TET1: variants seen among roughly 807,000 people sequenced by gnomAD.
The protein encoded by TET1 is methylcytosine dioxygenase TET1.
TET1 carries 13 observed loss-of-function variants against 148.7 expected under a neutral mutation model. That is an observed-to-expected ratio of 0.09 (90% CI 0.06 to 0.14). The LOEUF is 0.14. Ranked by LOEUF, TET1 falls within the 10% of genes least tolerant of loss-of-function variation. The pLI is 1.00. For synonymous variants in TET1, 907 were observed against 937.2 expected (o/e 0.97, Z 0.59); for missense variants, 2,182 against 2,553.8 (o/e 0.85, Z 3.14).
intron 3 of TET1, among the ~76,000 whole-genome samples, chr10:68,626,154 C>T (rs1046277210): frequency 1.4e-5 from 2 of 147,604 alleles, no homozygotes; most frequent in African/African-American, 2.5e-5. Flanking sequence ...AGGGAAAATA[C>T]GGTGTCCTTT....
rs2055618440 is a variant in TET1, at chr10:68,693,489, G to T, written c.*1675G>T. On this transcript the variant is annotated 3_prime_UTR_variant, in exon 12 of 12. Coordinates refer to ENST00000373644, the MANE Select transcript of TET1 (RefSeq NM_030625.3). ...TTATTAAAATAATATCTGGTGCAAAGTATCTGTTTTGAGCTTTTGACTAAT... is the reference window on the plus strand; with the variant it reads ...TTATTAAAATAATATCTGGTGCAAATTATCTGTTTTGAGCTTTTGACTAAT... 4.3e-6 allele frequency: 1 copy of T among 233,164 alleles called. No individual in the cohort carries two copies. Among genetic ancestry groups the T allele is most frequent in the African/African-American group, 2.2e-5 (1 of 45,294 alleles). The allele number at this position is 233,164 out of a possible 1,614,324, so 14.4% of individuals were successfully genotyped here.
At chr10:68,585,399 G>C (rs1036445787) in intron 2 of TET1, among the ~76,000 whole-genome samples, 1 of 152,100 alleles carries the variant, frequency 6.6e-6, no homozygotes, top group Non-Finnish European at 1.5e-5. Flanking sequence ...TTCCCAACGT[G>C]CTGGGATTAC....
chr10:68,642,070 T>C (rs1313821334), intron 3 of TET1, among the ~76,000 whole-genome samples: 1 of 152,090 alleles, frequency 6.6e-6, no homozygotes, highest in Non-Finnish European at 1.5e-5. Flanking sequence ...GTAATTGGAG[T>C]TATCATTCTT....
At position 68,660,723 on chromosome 10, in the gene TET1, C is replaced by T. The variant is rs142648174; in HGVS notation, c.4462-6322C>T. 3.4e-3 allele frequency among the ~76,000 whole-genome samples: 508 copies of T among 151,600 alleles called. 4 individuals carry two copies. Among genetic ancestry groups the T allele is most frequent in the African/African-American group, 0.012 (476 of 41,308 alleles). On this transcript the variant is annotated intron_variant, in intron 6 of 11. Transcript: ENST00000373644. ...TCGCCCAGGCTGGAGTGCAATGACG[C>T]GATCTCAGCCCACTGAAACCTCTGC... is the stretch of plus-strand genomic sequence containing the variant.
rs145714081 is a variant in TET1, at chr10:68,667,961, T to C, written c.4673+705T>C. Among the ~76,000 whole-genome samples, 60 of 152,348 alleles carry C rather than the reference T, an allele frequency of 3.9e-4. 1 individual carries two copies. Among genetic ancestry groups the C allele is most frequent in the African/African-American group, 1.4e-3 (57 of 41,588 alleles). ...TTCTGTAGTCTTACCAATGATTATG[T>C]TGGCAAATGTGAGTTTTTGCCTATT... On this transcript the variant is annotated intron_variant, in intron 7 of 11. Transcript: ENST00000373644.
intron 3 of TET1, among the ~76,000 whole-genome samples, chr10:68,643,728 GCT>G (rs1259878854): frequency 6.6e-6 from 1 of 151,328 alleles, no homozygotes; most frequent in African/African-American, 2.4e-5. Context: ...GAGGAAAATT[GCT>G]CGAACCCGGG....
chr10:68,676,294 T>C (rs1479179418), intron 8 of TET1, among the ~76,000 whole-genome samples: 7 of 124,896 alleles, frequency 5.6e-5, no homozygotes, highest in East Asian at 2.3e-4. Flanking sequence ...TTTTTTTTTT[T>C]TTCTTCTGAG....
chr10:68,677,812 G>A (rs1416165616), intron 8 of TET1, among the ~76,000 whole-genome samples: 1 of 151,974 alleles, frequency 6.6e-6, no homozygotes, highest in Non-Finnish European at 1.5e-5. Flanking sequence ...TATAGATGGG[G>A]TTTCTCCATG....
chr10:68,645,377 A>G lies in TET1; in HGVS notation c.2648A>G (p.Asp883Gly), dbSNP rs145047656. ...CCAAGTCTCTTATCGTTAATGAAAG[A>G]TAGGAGATTAACATTGGAGCAAGTG... ...VQPSLLSLMK[D>G]RRLTLEQVVA... The change falls in exon 4 of 12, where the codon GAT (aspartate) becomes GGT (glycine). Residue 883 changes from aspartate to glycine, a missense_variant. Asp to Gly is a moderately conservative substitution (Grantham distance 94, BLOSUM62 -1). Around this residue, in one of 11 missense-constraint regions of TET1, gnomAD observed 582 missense variants for 599.5 expected, o/e 0.97. Coordinates refer to ENST00000373644, the MANE Select transcript of TET1 (RefSeq NM_030625.3). 5.0e-6 allele frequency: 8 copies of G among 1,614,018 alleles called. No individual in the cohort carries two copies. The African/African-American group carries it at 1.1e-4, about 22-fold the overall frequency.
At chr10:68,617,915 TTC>T (rs1267014152) in intron 3 of TET1, among the ~76,000 whole-genome samples, 1 of 152,120 alleles carries the variant, frequency 6.6e-6, no homozygotes, top group Non-Finnish European at 1.5e-5. Context: ...TTGAATTTCT[TTC>T]TTTCTCTTTT....
In TET1 at chr10:68,572,703, T is replaced by G; in HGVS notation, c.365T>G (p.Val122Gly). The G allele has an allele frequency of 1.2e-6, 2 of 1,614,126 alleles. No homozygotes were observed. Among genetic ancestry groups the G allele is most frequent in the Non-Finnish European group, 1.7e-6 (2 of 1,180,020 alleles). ...SRRLSQPPLVVAKSKKVPLSK... is the reference protein window; with the variant it reads ...SRRLSQPPLVGAKSKKVPLSK... Reference sequence around the variant, plus strand: ...CGACTCTCCCAACCCCCACTGGTCGTAGCCAAATCCAAAAAGGTTCCACTT... The same window carrying G: ...CGACTCTCCCAACCCCCACTGGTCGGAGCCAAATCCAAAAAGGTTCCACTT... The change falls in exon 2 of 12, where the codon GTA becomes GGA. Residue 122 changes from valine to glycine, a missense_variant. Around this residue, in one of 11 missense-constraint regions of TET1, gnomAD observed 665 missense variants for 672.4 expected, o/e 0.99. Coordinates refer to ENST00000373644, the MANE Select transcript of TET1 (RefSeq NM_030625.3).
intron 2 of TET1, among the ~76,000 whole-genome samples, chr10:68,577,892 T>G (rs1175206536): frequency 6.6e-6 from 1 of 152,160 alleles, no homozygotes; most frequent in East Asian, 1.9e-4. Context: ...GGTGGGAGGA[T>G]AGCTTGAGCC....
intron 11 of TET1, among the ~76,000 whole-genome samples, chr10:68,690,582 C>G (rs1046240384): frequency 6.6e-6 from 1 of 151,708 alleles, no homozygotes. Flanking sequence ...GACTCCGTCT[C>G]CAAAAAAAAC....
intron 2 of TET1, among the ~76,000 whole-genome samples, chr10:68,591,697 T>C (rs748563526): frequency 4.0e-5 from 6 of 151,182 alleles, no homozygotes; most frequent in Non-Finnish European, 5.9e-5. Flanking sequence ...GATCAGGAGA[T>C]TGAGAACATC....
chr10:68,671,126 G>A (rs1285537662), intron 7 of TET1, among the ~76,000 whole-genome samples: 2 of 152,018 alleles, frequency 1.3e-5, no homozygotes, highest in Non-Finnish European at 2.9e-5. Context: ...GGGGTTTGTT[G>A]TGCAGATTAT....
At chr10:68,580,805 A>AATATATATATAT (rs1554930544) in intron 2 of TET1, among the ~76,000 whole-genome samples, 2 of 94,402 alleles carry the variant, frequency 2.1e-5, no homozygotes, top group African/African-American at 8.5e-5. Context: ...AAAAAAAAAA[A>AATATATATATAT]ATATATATAT....
intron 2 of TET1, among the ~76,000 whole-genome samples, chr10:68,585,742 G>A (rs1435915197): frequency 6.6e-6 from 1 of 151,998 alleles, no homozygotes; most frequent in Non-Finnish European, 1.5e-5. Context: ...CGGGCACGGT[G>A]GCGCACACCT....
At chr10:68,582,165 A>C (rs1267930755) in intron 2 of TET1, among the ~76,000 whole-genome samples, 1 of 151,376 alleles carries the variant, frequency 6.6e-6, no homozygotes, top group African/African-American at 2.4e-5. Flanking sequence ...CAATGGCACA[A>C]TCTTGGTCAC....
intron 6 of TET1, among the ~76,000 whole-genome samples, chr10:68,663,996 T>G (rs1332708225): frequency 6.7e-6 from 1 of 150,356 alleles, no homozygotes; most frequent in African/African-American, 2.5e-5. Context: ...TCCACCAACG[T>G]AGGTACCTCC....
Sources: gnomAD v4.1 joint callset for allele counts (sites outside exome capture counted in the v4.1 genomes callset) on GRCh38, gnomAD v4.1.1 for gene constraint, gnomAD v4.1.1 regional missense constraint, MANE v1.5 for transcripts, NCBI Gene and HGNC (gene_info 2026-07-23, HGNC 2026-07-21) for gene names.